HMGA2: variants seen among roughly 807,000 people sequenced by gnomAD.
The protein encoded by HMGA2 is high mobility group AT-hook 2.
A neutral mutation model predicts 19.1 loss-of-function variants in HMGA2; 8 were observed. That is an observed-to-expected ratio of 0.42 (90% CI 0.25 to 0.76). The LOEUF is 0.76. Ranked by LOEUF, HMGA2 falls within the 30% of genes least tolerant of loss-of-function variation. The pLI is 0.28. For synonymous variants in HMGA2, 60 were observed against 48.8 expected, an observed-to-expected ratio of 1.23 and a Z score of -0.96; for missense variants, 109 against 136.3, an observed-to-expected ratio of 0.80 and a Z score of 1.00.
chr12:65,890,457 A>G (rs1294353737), intron 3 of HMGA2, among the ~76,000 whole-genome samples: 1 of 152,222 alleles, frequency 6.6e-6, no homozygotes, highest in Non-Finnish European at 1.5e-5. Flanking sequence ...AAGAAGAGCA[A>G]GATCATCATC....
chr12:65,913,810 T>C (rs1225397040), intron 3 of HMGA2, among the ~76,000 whole-genome samples: 2 of 152,180 alleles, frequency 1.3e-5, no homozygotes, highest in Non-Finnish European at 2.9e-5. Flanking sequence ...CTGATGTGTG[T>C]AGTGTTCCTG....
At chr12:65,829,396 G>A (rs1332273725) in intron 2 of HMGA2, among the ~76,000 whole-genome samples, 1 of 151,770 alleles carries the variant, frequency 6.6e-6, no homozygotes, top group Admixed American at 6.6e-5. Context: ...TATATAATCT[G>A]GTATTTTTAA....
intron 2 of HMGA2, among the ~76,000 whole-genome samples, chr12:65,829,754 C>T (rs563910570): frequency 6.6e-6 from 1 of 152,004 alleles, no homozygotes; most frequent in South Asian, 2.1e-4. Flanking sequence ...GCTCCCATCG[C>T]CTCCGCTTCA....
chr12:65,895,328 G>A (rs1341362606), intron 3 of HMGA2, among the ~76,000 whole-genome samples: 1 of 152,010 alleles, frequency 6.6e-6, no homozygotes, highest in African/African-American at 2.4e-5. Context: ...AAAATTGTTT[G>A]GGCCTTAAGA....
chr12:65,925,770 C>A (rs550766425), intron 3 of HMGA2, among the ~76,000 whole-genome samples: 1 of 136,176 alleles, frequency 7.3e-6, no homozygotes, highest in Non-Finnish European at 1.6e-5. Context: ...TGAGAGAATG[C>A]GGATCTCGGG....
Position 65,846,980 on chromosome 12 carries a change from T to C in HMGA2, c.249+8411T>C, listed in dbSNP as rs539755830. On this transcript the variant is annotated intron_variant, in intron 3 of 4. Transcript: ENST00000403681. ...GCTCTTTAGAATTTAAGTCCTTCCA[T>C]AGAAGTAATTATATTGCTTTCCAAA... Among the ~76,000 whole-genome samples, 11 of 152,316 alleles carry C rather than the reference T, an allele frequency of 7.2e-5. No individual in the cohort carries two copies. The East Asian group carries it at 7.7e-4, about 11-fold the overall frequency.
At chr12:65,838,850 T>C (rs940221775) in intron 3 of HMGA2, among the ~76,000 whole-genome samples, 2 of 152,146 alleles carry the variant, frequency 1.3e-5, no homozygotes, top group African/African-American at 2.4e-5. Context: ...AACAATGAGA[T>C]GATTTGTTCA....
chr12:65,849,921 G>A (rs1057052058), intron 3 of HMGA2, among the ~76,000 whole-genome samples: 1 of 152,104 alleles, frequency 6.6e-6, no homozygotes, highest in Non-Finnish European at 1.5e-5. Context: ...GTTTCACCAT[G>A]TTGGCCAGGC....
At chr12:65,883,796 T>G (rs925587320) in intron 3 of HMGA2, among the ~76,000 whole-genome samples, 1 of 152,256 alleles carries the variant, frequency 6.6e-6, no homozygotes, top group Admixed American at 6.5e-5. Context: ...AGTTGTTATT[T>G]TCATACCTAT....
chr12:65,951,314 T>C, intron 3 of HMGA2, 69 bp from the exon 4 acceptor site: 1 of 950,010 alleles, frequency 1.1e-6, no homozygotes, highest in Non-Finnish European at 1.6e-6. Flanking sequence ...GTATTTAAAA[T>C]ATGTACACCT....
chr12:65,915,008 C>A lies in HMGA2; in HGVS notation c.250-36375C>A, dbSNP rs75218846. The A allele has an allele frequency of 4.0e-4, 641 of 1,609,890 alleles. 2 individuals are homozygous for A. The African/African-American group carries it at 7.5e-3, about 19-fold the overall frequency. The stretch of plus-strand genomic sequence containing the variant: ...GTCTATTAGTGTTCCATCACTAGAT[C>A]TCTTCTGAGGTATTCATGCCATATG... On this transcript the variant is annotated intron_variant, in intron 3 of 4. Coordinates refer to ENST00000403681, the MANE Select transcript of HMGA2 (RefSeq NM_003483.6).
At chr12:65,899,329 A>G (rs1309330344) in intron 3 of HMGA2, among the ~76,000 whole-genome samples, 1 of 152,204 alleles carries the variant, frequency 6.6e-6, no homozygotes, top group Non-Finnish European at 1.5e-5. Context: ...TTTATTCTCT[A>G]TAGTACCTAC....
intron 3 of HMGA2, among the ~76,000 whole-genome samples, chr12:65,923,910 G>A (rs1875412149): frequency 6.6e-6 from 1 of 152,152 alleles, no homozygotes; most frequent in Non-Finnish European, 1.5e-5. Context: ...CTCGGGGGCT[G>A]AGGTAAGAGA....
At chr12:65,948,764 G>C (rs1256523844) in intron 3 of HMGA2, among the ~76,000 whole-genome samples, 2 of 152,210 alleles carry the variant, frequency 1.3e-5, no homozygotes, top group Non-Finnish European at 2.9e-5. Context: ...CCGGGAGCCA[G>C]GGCTGGCAGA....
chr12:65,880,239 T>C (rs1323470166), intron 3 of HMGA2, among the ~76,000 whole-genome samples: 1 of 152,106 alleles, frequency 6.6e-6, no homozygotes, highest in Non-Finnish European at 1.5e-5. Context: ...TCAAAGCAAA[T>C]AAATAAAACC....
At chr12:65,925,268 C>T (rs954842824) in intron 3 of HMGA2, among the ~76,000 whole-genome samples, 2 of 152,076 alleles carry the variant, frequency 1.3e-5, no homozygotes, top group African/African-American at 2.4e-5. Flanking sequence ...ATCTTTTGTT[C>T]GCTCAAACGT....
intron 3 of HMGA2, among the ~76,000 whole-genome samples, chr12:65,906,805 ATTC>A (rs534917096): frequency 6.6e-6 from 1 of 152,204 alleles, no homozygotes; most frequent in African/African-American, 2.4e-5. Context: ...TTTTTTTATT[ATTC>A]TTTGTTTAGA....
chr12:65,897,530 C>T (rs898292844), intron 3 of HMGA2, among the ~76,000 whole-genome samples: 1 of 152,092 alleles, frequency 6.6e-6, no homozygotes, highest in Non-Finnish European at 1.5e-5. Flanking sequence ...AATACTGGGG[C>T]TTAGGCAAAA....
At chr12:65,897,031 C>T (rs1874158974) in intron 3 of HMGA2, among the ~76,000 whole-genome samples, 1 of 152,146 alleles carries the variant, frequency 6.6e-6, no homozygotes, top group South Asian at 2.1e-4. Flanking sequence ...AAACCTGATT[C>T]CTGCAATAGT....
Sources: allele counts gnomAD v4.1 joint callset (sites outside exome capture counted in the v4.1 genomes callset), GRCh38; gene constraint gnomAD v4.1.1; transcripts MANE v1.5; gene names NCBI Gene and HGNC (gene_info 2026-07-23, HGNC 2026-07-21).